TNR: variants seen among roughly 807,000 people sequenced by gnomAD.
TNR encodes the protein tenascin-R.
TNR carries 45 observed loss-of-function variants against 150.4 expected under a neutral mutation model. The ratio of observed to expected loss-of-function variants is 0.30; its 90% CI spans 0.24 to 0.38. The LOEUF (loss-of-function observed/expected upper bound fraction) is 0.38, where lower values mean the gene tolerates loss of function less well. Ranked by LOEUF, TNR falls within the 10% of genes least tolerant of loss-of-function variation. The pLI, the probability that TNR is intolerant of heterozygous loss-of-function variation, is 1.00. For synonymous variants in TNR, 687 were observed against 678.4 expected (o/e 1.01, Z -0.20); for missense variants, 1,544 against 1,759.1 (o/e 0.88, Z 2.19).
chr1:175,385,872 T>C (rs912878497), intron 8 of TNR, among the ~76,000 whole-genome samples, 160 bp downstream of exon 8: 1 of 152,204 alleles, frequency 6.6e-6, no homozygotes, highest in Non-Finnish European at 1.5e-5. Flanking sequence ...TTTTCCTGTA[T>C]GCTGGAAACC....
At chr1:175,358,887 GCC>G (rs1651451780) in intron 15 of TNR, among the ~76,000 whole-genome samples, 1 of 152,152 alleles carries the variant, frequency 6.6e-6, no homozygotes, top group Non-Finnish European at 1.5e-5. Context: ...TCACCTGTTA[GCC>G]TGTACTCTCT....
intron 1 of TNR, among the ~76,000 whole-genome samples, chr1:175,710,882 G>A (rs563676845): frequency 6.6e-6 from 1 of 152,074 alleles, no homozygotes; most frequent in Admixed American, 6.5e-5. Context: ...TAGTTCACCC[G>A]GATGCAGAGC....
chr1:175,416,134 A>ACACACG (rs753056364), intron 2 of TNR, among the ~76,000 whole-genome samples: 66 of 151,786 alleles, frequency 4.3e-4, no homozygotes, highest in Non-Finnish European at 9.1e-4. Context: ...ATATATACAC[A>ACACACG]CACACACACT....
intron 2 of TNR, among the ~76,000 whole-genome samples, chr1:175,505,293 G>C (rs1658910156): frequency 6.6e-6 from 1 of 152,232 alleles, no homozygotes; most frequent in South Asian, 2.1e-4. Flanking sequence ...TTCCCACTGG[G>C]CTTATCTCGG....
chr1:175,693,195 G>A (rs1666420884), intron 1 of TNR, among the ~76,000 whole-genome samples: 1 of 152,194 alleles, frequency 6.6e-6, no homozygotes, highest in African/African-American at 2.4e-5. Flanking sequence ...CACAATCCCA[G>A]CTTGCTCTCT....
rs867237015 is a variant in TNR at position 175,413,433 on chromosome 1, A to G, written c.-63-6656T>C. On this transcript the variant is annotated intron_variant, in intron 2 of 22. Coordinates refer to ENST00000367674, the MANE Select transcript of TNR (RefSeq NM_003285.3). ...TGGAAGTGCTGCATTGGATATGTTC[A>G]TCTCCTTTAGAGAGGTCCCACTTGT... Among the ~76,000 whole-genome samples, 6 of 152,314 alleles carry G rather than the reference A, an allele frequency of 3.9e-5. No homozygotes were observed. The South Asian group carries it at 6.2e-4, about 16-fold the overall frequency.
At position 175,318,437 on chromosome 1, in the gene TNR, T is replaced by G. The variant is rs909508476; in HGVS notation, c.*4920A>C. 2.7e-5 allele frequency: 4 copies of G among 150,614 alleles called. No homozygotes were observed. The highest frequency in any genetic ancestry group is 9.8e-5 in the African/African-American group (4 of 40,888). The allele number at this position is 150,614 out of a possible 1,614,324, so 9.3% of individuals were successfully genotyped here. On this transcript the variant is annotated 3_prime_UTR_variant, in exon 23 of 23. Coordinates refer to ENST00000367674, the MANE Select transcript of TNR (RefSeq NM_003285.3). ...ACAATTAGAAAGAACCAGAGACATT[T>G]TTTCAAATTGGACCTGAATCTACAC...
At chr1:175,411,570 G>A (rs1418371857) in intron 2 of TNR, among the ~76,000 whole-genome samples, 1 of 151,594 alleles carries the variant, frequency 6.6e-6, no homozygotes. Flanking sequence ...CCCTCTCCCA[G>A]CTGCTGGTGG....
At chr1:175,612,155 C>A (rs182047322) in intron 1 of TNR, among the ~76,000 whole-genome samples, 1 of 152,204 alleles carries the variant, frequency 6.6e-6, no homozygotes, top group Non-Finnish European at 1.5e-5. Context: ...GGAGCACTGG[C>A]CTGGATTCCC....
At chr1:175,691,914 C>T (rs147021560) in intron 1 of TNR, among the ~76,000 whole-genome samples, 1 of 152,298 alleles carries the variant, frequency 6.6e-6, no homozygotes, top group Admixed American at 6.5e-5. Flanking sequence ...CTCATCCAAG[C>T]CTCACCTCCT....
At chr1:175,371,079 A>AC (rs1430737711) in intron 9 of TNR, among the ~76,000 whole-genome samples, 6 of 151,714 alleles carry the variant, frequency 4.0e-5, no homozygotes, top group East Asian at 1.9e-4. Flanking sequence ...AAAAAAAAAA[A>AC]AACCACATGT....
At chr1:175,615,086 A>T (rs1228850204) in intron 1 of TNR, among the ~76,000 whole-genome samples, 4 of 152,256 alleles carry the variant, frequency 2.6e-5, no homozygotes. Context: ...GAAATGGCTC[A>T]GTTACATTAG....
At chr1:175,724,062 G>A (rs1374397441) in intron 1 of TNR, among the ~76,000 whole-genome samples, 2 of 152,164 alleles carry the variant, frequency 1.3e-5, no homozygotes, top group East Asian at 3.8e-4. Flanking sequence ...CCCTCCAAAA[G>A]TGAGGAGATT....
chr1:175,418,297 A>G (rs1180586059), intron 2 of TNR, among the ~76,000 whole-genome samples: 1 of 152,172 alleles, frequency 6.6e-6, no homozygotes, highest in Non-Finnish European at 1.5e-5. Flanking sequence ...GAGGTATGGG[A>G]ACTTCTTCTG....
At chr1:175,693,315 CAT>C (rs1666425426) in intron 1 of TNR, among the ~76,000 whole-genome samples, 1 of 152,208 alleles carries the variant, frequency 6.6e-6, no homozygotes, top group Non-Finnish European at 1.5e-5. Context: ...CTGTACTACA[CAT>C]GTGTGGGACA....
At chr1:175,507,420 T>C (rs1659002081) in intron 2 of TNR, among the ~76,000 whole-genome samples, 1 of 152,102 alleles carries the variant, frequency 6.6e-6, no homozygotes, top group Non-Finnish European at 1.5e-5. Flanking sequence ...AACTGAACAC[T>C]CCTATGTGCC....
chr1:175,505,831 G>A (rs185792776), intron 2 of TNR, among the ~76,000 whole-genome samples: 14 of 152,292 alleles, frequency 9.2e-5, no homozygotes, highest in African/African-American at 2.9e-4. Context: ...ACCTGAGGCC[G>A]GGAGTTCAAG....
intron 1 of TNR, among the ~76,000 whole-genome samples, chr1:175,594,222 G>A (rs1443357086): frequency 1.0e-4 from 15 of 149,722 alleles, no homozygotes; most frequent in Non-Finnish European, 8.9e-5. Flanking sequence ...GGGCCTGTAG[G>A]AATTATGCCT....
At chr1:175,443,207 C>G (rs1655873320) in intron 2 of TNR, among the ~76,000 whole-genome samples, 2 of 152,066 alleles carry the variant, frequency 1.3e-5, no homozygotes, top group Admixed American at 1.3e-4. Context: ...AAGCTGTGCC[C>G]TTTTGCTTGA....
Sources: gnomAD v4.1 joint callset for allele counts (sites outside exome capture counted in the v4.1 genomes callset) on GRCh38, gnomAD v4.1.1 for gene constraint, MANE v1.5 for transcripts, NCBI Gene and HGNC (gene_info 2026-07-23, HGNC 2026-07-21) for gene names.